Variants in SVEP1 observed in about 807,000 individuals in gnomAD.
SVEP1 encodes the protein sushi, von Willebrand factor type A, EGF and pentraxin domain-containing protein 1.
SVEP1 carries 164 observed loss-of-function variants against 367.3 expected under a neutral mutation model. The ratio of observed to expected loss-of-function variants is 0.45; its 90% confidence interval spans 0.39 to 0.51. SVEP1 has a LOEUF of 0.51. SVEP1 is among the 20% of genes least tolerant of loss of function. The pLI, the probability that SVEP1 is intolerant of heterozygous loss-of-function variation, is 0.00. For synonymous variants in SVEP1, 1,666 were observed against 1,611.6 expected (o/e 1.03, Z -0.81); for missense variants, 4,117 against 4,425.3 (o/e 0.93, Z 1.98).
At chr9:110,367,660 A>AC (rs1340740569) in intron 47 of SVEP1, among the ~76,000 whole-genome samples, 1 of 108,994 alleles carries the variant, frequency 9.2e-6, no homozygotes, top group Non-Finnish European at 2.1e-5. Context: ...ACATAATCCA[A>AC]CCTAGGACAT....
intron 1 of SVEP1, among the ~76,000 whole-genome samples, chr9:110,554,038 G>A (rs951159517): frequency 6.6e-6 from 1 of 152,096 alleles, no homozygotes; most frequent in African/African-American, 2.4e-5. Context: ...TATTAAACAG[G>A]ATAAGCAATT....
rs547197873 is a variant in SVEP1 at position 110,385,926 on chromosome 9, C to A, written c.10209G>T (p.Thr3403=). The change falls in exon 43 of 48, where the codon ACG becomes ACT. Residue 3403 remains threonine (T), a synonymous_variant. Transcript: ENST00000374469. ...HGIITCNPDE[T]WTQTSAKCEK... The stretch of plus-strand genomic sequence containing the variant: ...CACATTTGGCGCTTGTCTGTGTCCA[C>A]GTCTCGTCGGGGTTGCAGGTAATGA... 41 of 1,613,802 alleles carry A rather than the reference C, an allele frequency of 2.5e-5. No individual in the cohort carries two copies. The East Asian group carries it at 7.8e-4, about 31-fold the overall frequency.
At chr9:110,514,220 T>C (rs989302251) in intron 3 of SVEP1, 114 bp from the exon 4 acceptor site, 4 of 1,396,256 alleles carry the variant, frequency 2.9e-6, no homozygotes, top group African/African-American at 2.8e-5. Context: ...TCCATAGAAA[T>C]GGTGATGTAG....
intron 43 of SVEP1, among the ~76,000 whole-genome samples, chr9:110,381,459 T>A (rs760661088): frequency 2.6e-5 from 4 of 152,174 alleles, no homozygotes; most frequent in Admixed American, 6.6e-5. Flanking sequence ...TACCAAGGAG[T>A]CATTCAGGAG....
intron 40 of SVEP1, among the ~76,000 whole-genome samples, chr9:110,390,383 A>C (rs1388285234): frequency 8.1e-6 from 1 of 123,156 alleles, no homozygotes; most frequent in African/African-American, 3.1e-5. Context: ...ACTTATATAT[A>C]TATATACTTA....
intron 1 of SVEP1, among the ~76,000 whole-genome samples, chr9:110,551,042 G>A (rs1253554197): frequency 6.6e-6 from 1 of 152,056 alleles, no homozygotes; most frequent in Non-Finnish European, 1.5e-5. Context: ...GTTCTTAGAA[G>A]AAATTCCTAT....
intron 1 of SVEP1, among the ~76,000 whole-genome samples, chr9:110,570,125 C>T (rs576020038): frequency 3.9e-5 from 6 of 152,274 alleles, no homozygotes; most frequent in African/African-American, 9.6e-5. Flanking sequence ...TGTATGGAAG[C>T]GGACTCTGAC....
intron 17 of SVEP1, 22 bp from the exon 18 acceptor site, chr9:110,466,048 T>G: frequency 6.2e-7 from 1 of 1,604,206 alleles, no homozygotes; most frequent in Non-Finnish European, 8.5e-7. Flanking sequence ...AAGGTAATAT[T>G]ACTATCAATA....
intron 5 of SVEP1, among the ~76,000 whole-genome samples, chr9:110,512,081 C>T (rs1304031373): frequency 6.6e-6 from 1 of 151,874 alleles, no homozygotes; most frequent in Admixed American, 6.6e-5. Flanking sequence ...TGCAGGGGAC[C>T]CACATATACT....
intron 16 of SVEP1, among the ~76,000 whole-genome samples, chr9:110,470,558 G>A (rs1389458011): frequency 6.6e-6 from 1 of 151,680 alleles, no homozygotes; most frequent in South Asian, 2.1e-4. Flanking sequence ...TCAGCCTCCC[G>A]AGTTGCTGGG....
chr9:110,440,471 C>T (rs887175229), intron 27 of SVEP1, among the ~76,000 whole-genome samples: 18 of 152,156 alleles, frequency 1.2e-4, no homozygotes, highest in Non-Finnish European at 5.9e-5. Context: ...ATACCAGGCA[C>T]TGGACTTAGA....
chr9:110,378,675 TGCC>T (rs373907563), intron 44 of SVEP1, among the ~76,000 whole-genome samples: 13,658 of 147,368 alleles, frequency 0.093, 800 homozygotes, highest in Middle Eastern at 0.14. Context: ...TCCTTGCCCA[TGCC>T]TAAGTCCTGA....
intron 3 of SVEP1, among the ~76,000 whole-genome samples, chr9:110,525,179 G>A (rs1289429581): frequency 2.0e-5 from 3 of 152,122 alleles, no homozygotes; most frequent in African/African-American, 7.2e-5. Context: ...TATAAGTGAT[G>A]TGATTCTCCT....
At chr9:110,498,145 T>C (rs1829480075) in intron 7 of SVEP1, among the ~76,000 whole-genome samples, 1 of 152,254 alleles carries the variant, frequency 6.6e-6, no homozygotes, top group Admixed American at 6.5e-5. Flanking sequence ...CTTGTTTCTT[T>C]TGTGCAATTT....
chr9:110,518,278 C>A (rs1829832929), intron 3 of SVEP1, among the ~76,000 whole-genome samples: 1 of 151,886 alleles, frequency 6.6e-6, no homozygotes, highest in African/African-American at 2.4e-5. Flanking sequence ...CAAAAATTAG[C>A]CGGGTATGGT....
At chr9:110,445,014 C>T (rs890205456) in intron 26 of SVEP1, among the ~76,000 whole-genome samples, 8 of 152,178 alleles carry the variant, frequency 5.3e-5, no homozygotes, top group African/African-American at 1.9e-4. Flanking sequence ...TGAACACCAA[C>T]AACCTGCTCA....
At chr9:110,553,023 T>C (rs755082120) in intron 1 of SVEP1, among the ~76,000 whole-genome samples, 1 of 152,026 alleles carries the variant, frequency 6.6e-6, no homozygotes, top group Non-Finnish European at 1.5e-5. Context: ...TGGGAAGAGA[T>C]CCTGGAAGCC....
chr9:110,438,022 GTTT>G (rs1828456683), intron 27 of SVEP1, among the ~76,000 whole-genome samples: 1 of 151,738 alleles, frequency 6.6e-6, no homozygotes. Context: ...TTTCTTTCCA[GTTT>G]TTATTTTGTT....
chr9:110,415,992 T>C (rs116189314), intron 36 of SVEP1, among the ~76,000 whole-genome samples: 80 of 152,068 alleles, frequency 5.3e-4, no homozygotes, highest in African/African-American at 1.8e-3. Context: ...AATCTTCAAA[T>C]TGATAAATTA....
Sources: gnomAD v4.1 joint callset for allele counts (sites outside exome capture counted in the v4.1 genomes callset) on GRCh38, gnomAD v4.1.1 for gene constraint, MANE v1.5 for transcripts, NCBI Gene and HGNC (gene_info 2026-07-23, HGNC 2026-07-21) for gene names.